Variants in CATSPER2 observed in about 807,000 individuals in gnomAD.
CATSPER2 encodes cation channel sperm-associated protein 2.
In CATSPER2, 56 loss-of-function variants were observed where a neutral mutation model predicts 68.8. That is an observed-to-expected ratio of 0.81 (90% CI 0.66 to 1.02). The LOEUF is 1.02. CATSPER2 is among the 50% of genes least tolerant of loss of function. CATSPER2 has a pLI of 0.00. For synonymous variants in CATSPER2, 198 were observed against 229.9 expected (o/e 0.86, Z 1.26); for missense variants, 582 against 642.0 (o/e 0.91, Z 1.01).
At chr15:43,645,838 A>G (rs1371042032) in intron 4 of CATSPER2, among the ~76,000 whole-genome samples, 1 of 151,924 alleles carries the variant, frequency 6.6e-6, no homozygotes, top group Non-Finnish European at 1.5e-5. Flanking sequence ...AGAATGAAAC[A>G]AGTTCTACTG....
At position 43,628,813 on chromosome 15, in the gene CATSPER2, G is replaced by C. The variant is rs552739513; in HGVS notation, c.*1888C>G. On this transcript the variant is annotated 3_prime_UTR_variant, in exon 13 of 13. Transcript: ENST00000396879. ...AGTGGTGGTCAGGATATCTTTAGAG[G>C]AGTGGAGGTTGACTTACCTGCAGTT... 7.0e-6 allele frequency: 1 copy of C among 142,484 alleles called. No individual in the cohort carries two copies. The highest frequency in any genetic ancestry group is 2.2e-4 in the South Asian group (1 of 4,478). 8.8% of individuals were successfully genotyped at this position (142,484 alleles called of 1,614,324 possible).
intron 1 of CATSPER2, 119 bp downstream of exon 1, chr15:43,648,510 A>G: frequency 1.9e-6 from 2 of 1,045,782 alleles, no homozygotes; most frequent in Non-Finnish European, 2.6e-6. Context: ...GTGCAGAGAA[A>G]TTGGACAAAA....
At position 43,640,595 on chromosome 15, in the gene CATSPER2, G is replaced by A. The variant is rs2086055651; in HGVS notation, c.389-99C>T. The A allele has an allele frequency of 3.3e-6, 5 of 1,511,592 alleles. No homozygotes were observed. In the South Asian group the frequency reaches 3.5e-5, roughly 10 times the overall value. The allele number at this position is 1,511,592 out of a possible 1,614,324, so 93.6% of individuals were successfully genotyped here. A position where few individuals can be genotyped will look rare whatever the true frequency, so the allele number is the denominator to read the frequency against. On this transcript the variant is annotated intron_variant, in intron 4 of 12. Coordinates refer to ENST00000396879, the MANE Select transcript of CATSPER2 (RefSeq NM_172095.4). ...ATAAACCACAGTTTTGCCCACTACT[G>A]TTCCATTTTTCTTCACACTGTGTTA...
chr15:43,636,494 G>T (rs1039714909), intron 7 of CATSPER2, among the ~76,000 whole-genome samples: 9 of 151,868 alleles, frequency 5.9e-5, no homozygotes, highest in African/African-American at 2.2e-4. Context: ...GGGTTCAAGA[G>T]ATTCTCCTGC....
chr15:43,638,376 C>G (rs1433347528), intron 7 of CATSPER2, among the ~76,000 whole-genome samples: 2 of 144,068 alleles, frequency 1.4e-5, no homozygotes, highest in African/African-American at 2.7e-5. Context: ...GCAATCTCTG[C>G]CTCCCAGATT....
At chr15:43,639,290 G>A in intron 6 of CATSPER2, 1 of 482,148 alleles carries the variant, frequency 2.1e-6, no homozygotes, top group Non-Finnish European at 3.7e-6. Flanking sequence ...TGTCGCCTAG[G>A]CTAGAGTGCA....
rs376750811 is a variant in CATSPER2 at position 43,632,179 on chromosome 15, T to C, written c.1561+20A>G. 6 of 1,611,418 alleles carry C rather than the reference T, an allele frequency of 3.7e-6. No individual in the cohort carries two copies. The African/African-American group carries it at 6.7e-5, about 18-fold the overall frequency. On this transcript the variant is annotated intron_variant, in intron 12 of 12. Transcript: ENST00000396879. ...TATATATATATTCCCATGGTCCCCA[T>C]GACTGCCCTAACTCCATACCTGCAA...
At chr15:43,633,389 C>T (rs2085909404) in intron 10 of CATSPER2, 2 of 209,594 alleles carry the variant, frequency 9.5e-6, no homozygotes, top group Admixed American at 5.3e-5. Flanking sequence ...GCACCCATAA[C>T]CCTACAGGAT....
At chr15:43,641,307 G>A (rs1346234604) in intron 4 of CATSPER2, among the ~76,000 whole-genome samples, 1 of 151,290 alleles carries the variant, frequency 6.6e-6, no homozygotes, top group Non-Finnish European at 1.5e-5. Context: ...GTAGAGATGG[G>A]GTTTCTCCAT....
In CATSPER2 at chr15:43,648,775, C is replaced by T; in HGVS notation, c.-149G>A. The T allele has an allele frequency of 6.5e-7, 1 of 1,528,846 alleles. No individual in the cohort carries two copies. Among genetic ancestry groups the T allele is most frequent in the Non-Finnish European group, 8.8e-7 (1 of 1,141,602 alleles). 94.7% of individuals were successfully genotyped at this position (1,528,846 alleles called of 1,614,324 possible). On this transcript the variant is annotated 5_prime_UTR_variant, in exon 1 of 13. Transcript: ENST00000396879. ...CGCCCCATTCCCCGCCCCGCTCGAC[C>T]CCCAGGTTTCGGCTCACCCCGGGAC... is the stretch of plus-strand genomic sequence containing the variant.
chr15:43,630,647 A>T lies in CATSPER2; in HGVS notation c.*54T>A, dbSNP rs1165907772. 9.3e-6 allele frequency: 15 copies of T among 1,608,466 alleles called. No individual in the cohort carries two copies. Among genetic ancestry groups the T allele is most frequent in the African/African-American group, 4.0e-5 (3 of 74,706 alleles). On this transcript the variant is annotated 3_prime_UTR_variant, in exon 13 of 13. Transcript: ENST00000396879. ...ATATTTTCAATTCTCTATTTCCAAC[A>T]ATTCCCTTCATTATCTTTTGCTGGG...
rs2086018553 is a variant in CATSPER2 at position 43,638,972 on chromosome 15, A to C, written c.774T>G (p.Thr258=). ...LLIFFYIFAV[T]GVYVFSEYTR... ...TGTACTCTGAGAAGACGTAGACACC[A>C]GTCACAGCAAAAATGTAGAAGAAGA... The change falls in exon 7 of 13, where the codon ACT becomes ACG. Residue 258 remains threonine, a synonymous_variant. Coordinates refer to ENST00000396879, the MANE Select transcript of CATSPER2 (RefSeq NM_172095.4). 2 of 1,613,076 alleles carry C rather than the reference A, an allele frequency of 1.2e-6. No homozygotes were observed. Among genetic ancestry groups the C allele is most frequent in the African/African-American group, 2.7e-5 (2 of 74,810 alleles).
rs572775890 is a variant in CATSPER2, at chr15:43,629,845, A to G, written c.*856T>C. ...GTAAAAATAATATCCAATTAAAGTT[A>G]ATGGTTCACAAGAGAAGCAACATGA... On this transcript the variant is annotated 3_prime_UTR_variant, in exon 13 of 13. Coordinates refer to ENST00000396879, the MANE Select transcript of CATSPER2 (RefSeq NM_172095.4). 1 of 152,010 alleles carries G rather than the reference A, an allele frequency of 6.6e-6. No homozygotes were observed. Among genetic ancestry groups the G allele is most frequent in the Non-Finnish European group, 1.5e-5 (1 of 67,986 alleles). The allele number at this position is 152,010 out of a possible 1,614,324, so 9.4% of individuals were successfully genotyped here. A position where few individuals can be genotyped will look rare whatever the true frequency, so the allele number is the denominator to read the frequency against.
intron 7 of CATSPER2, among the ~76,000 whole-genome samples, chr15:43,636,855 TC>T (rs2085974089): frequency 6.7e-6 from 1 of 150,002 alleles, no homozygotes; most frequent in African/African-American, 2.5e-5. Context: ...TGAGACAGAG[TC>T]TCACTCTATC....
intron 7 of CATSPER2, among the ~76,000 whole-genome samples, chr15:43,636,549 C>A (rs1216205085): frequency 6.6e-6 from 1 of 151,630 alleles, no homozygotes; most frequent in Non-Finnish European, 1.5e-5. Flanking sequence ...CACCACCACG[C>A]CCAGCTAATT....
Position 43,630,584 on chromosome 15 carries a change from T to C in CATSPER2, c.*117A>G. 1.2e-6 allele frequency: 2 copies of C among 1,601,122 alleles called. No individual in the cohort carries two copies. Among genetic ancestry groups the C allele is most frequent in the East Asian group, 2.3e-5 (1 of 44,420 alleles). On this transcript the variant is annotated 3_prime_UTR_variant, in exon 13 of 13. Coordinates refer to ENST00000396879, the MANE Select transcript of CATSPER2 (RefSeq NM_172095.4). The stretch of plus-strand genomic sequence containing the variant: ...GCCTGGCCTAGACACTTATACTTTT[T>C]AATTTTAATGAACAGACATTGTTCT...
At chr15:43,643,934 A>G (rs1263384949) in intron 4 of CATSPER2, among the ~76,000 whole-genome samples, 1 of 151,854 alleles carries the variant, frequency 6.6e-6, no homozygotes, top group African/African-American at 2.4e-5. Flanking sequence ...CTGCTGCCTC[A>G]ATCTCCTGGC....
chr15:43,637,144 T>C lies in CATSPER2; in HGVS notation c.843-925A>G, dbSNP rs1256000731. 2.6e-5 allele frequency among the ~76,000 whole-genome samples: 4 copies of C among 151,944 alleles called. No homozygotes were observed. In the South Asian group the frequency reaches 8.3e-4, roughly 32 times the overall value. On this transcript the variant is annotated intron_variant, in intron 7 of 12. Transcript: ENST00000396879. ...GGCCATTTTTTCTAATTTTATTCTC[T>C]ACTGCTCTATGGACTCCACTTAATA... is the stretch of plus-strand genomic sequence containing the variant.
At chr15:43,645,918 T>G (rs1567133236) in intron 4 of CATSPER2, among the ~76,000 whole-genome samples, 1 of 152,190 alleles carries the variant, frequency 6.6e-6, no homozygotes, top group Middle Eastern at 3.4e-3. Context: ...GACATACTTA[T>G]GTTTTGAATG....
Sources: gnomAD v4.1 joint callset for allele counts (sites outside exome capture counted in the v4.1 genomes callset) on GRCh38, gnomAD v4.1.1 for gene constraint, MANE v1.5 for transcripts, NCBI Gene and HGNC (gene_info 2026-07-23, HGNC 2026-07-21) for gene names.